Variants in GLRX3 observed in about 807,000 individuals in gnomAD.
The protein encoded by GLRX3 is glutaredoxin 3, also known as glutaredoxin-3.
GLRX3 carries 22 observed loss-of-function variants against 49.5 expected under a neutral mutation model. The observed-to-expected ratio is 0.44, with a 90% CI of 0.32 to 0.63. GLRX3 has a LOEUF of 0.63. Ranked by LOEUF, GLRX3 falls within the 30% of genes least tolerant of loss-of-function variation. The probability of loss-of-function intolerance (pLI) is 0.05; values close to 1 mark genes in which losing one functional copy is unlikely to be tolerated. For missense variants in GLRX3, 385 were observed against 396.3 expected (o/e 0.97, Z 0.24); for synonymous variants, 133 against 140.0 (o/e 0.95, Z 0.35).
Position 130,136,785 on chromosome 10 carries a change from C to T in GLRX3, c.92+273C>T, listed in dbSNP as rs559625980. ...CCTGGCTCCGACCCCGACGGCTGTC[C>T]AAGCCCGGGGGACGCGACCTTCCCG... On this transcript the variant is annotated intron_variant, in intron 1 of 10. Transcript: ENST00000331244. 5.2e-3 allele frequency among the ~76,000 whole-genome samples: 793 copies of T among 152,230 alleles called. 3 individuals carry two copies. Among genetic ancestry groups the T allele is most frequent in the African/African-American group, 0.016 (661 of 41,570 alleles).
intron 3 of GLRX3, 24 bp downstream of exon 3, chr10:130,160,093 G>T (rs1008994251): frequency 1.4e-6 from 2 of 1,439,650 alleles, no homozygotes; most frequent in Non-Finnish European, 2.0e-6. Context: ...TGGTACAAGA[G>T]ATTATCCATT....
rs1862543494 is a variant in GLRX3, at chr10:130,160,027, A to C, written c.234A>C (p.Glu78Asp). ...LEAEGVPEVS[E>D]KYEISSVPTF... ...CTGAAGGTGTTCCTGAAGTATCTGA[A>C]AAATATGAAATTAGCTCTGTTCCCA... Residue 78 changes from glutamate (E) to aspartate (D), a missense_variant, in exon 3 of 11, where the codon GAA (glutamate) becomes GAC (aspartate). Glu to Asp is a conservative substitution (Grantham distance 45). Around this residue, in one of 2 missense-constraint regions of GLRX3, gnomAD observed 374 missense variants for 358.6 expected, o/e 1.04. Transcript: ENST00000331244. 1 of 1,601,844 alleles carries C rather than the reference A, an allele frequency of 6.2e-7. No homozygotes were observed. Among genetic ancestry groups the C allele is most frequent in the Non-Finnish European group, 8.6e-7 (1 of 1,168,840 alleles).
chr10:130,176,763 TCCCTCC>T (rs1255710332), intron 10 of GLRX3, among the ~76,000 whole-genome samples: 7 of 48,594 alleles, frequency 1.4e-4, no homozygotes, highest in African/African-American at 5.8e-4. Context: ...CCTCCCTCCC[TCCCTCC>T]CTCTTTCTCT....
At chr10:130,158,293 A>G (rs1028435320) in intron 2 of GLRX3, among the ~76,000 whole-genome samples, 2 of 151,834 alleles carry the variant, frequency 1.3e-5, no homozygotes, top group African/African-American at 4.8e-5. Context: ...GCTCACTGCA[A>G]CCTCTGCCTC....
chr10:130,168,799 T>C (rs1434863227), intron 6 of GLRX3, among the ~76,000 whole-genome samples: 1 of 152,224 alleles, frequency 6.6e-6, no homozygotes, highest in Non-Finnish European at 1.5e-5. Context: ...CGTGACCCCA[T>C]GGGGCTTAGG....
Position 130,174,964 on chromosome 10 carries a change from A to G in GLRX3, c.865-33A>G, listed in dbSNP as rs770318143. 3.2e-6 allele frequency: 5 copies of G among 1,570,998 alleles called. 1 individual carries two copies. The South Asian group carries it at 5.5e-5, about 17-fold the overall frequency. ...TTAGCTTTAATCTTAAGGGCCTGAT[A>G]GGATGGTTTCAGGATTCCTGTTGTT... is the stretch of plus-strand genomic sequence containing the variant. On this transcript the variant is annotated intron_variant, in intron 9 of 10. Coordinates refer to ENST00000331244, the MANE Select transcript of GLRX3 (RefSeq NM_006541.5).
At chr10:130,137,283 CTGGGTGGACT>C (rs1340958794) in intron 1 of GLRX3, among the ~76,000 whole-genome samples, 2 of 152,182 alleles carry the variant, frequency 1.3e-5, no homozygotes, top group Non-Finnish European at 2.9e-5. Context: ...AAAGCGTTTT[CTGGGTGGACT>C]AGAAGCTCTG....
intron 10 of GLRX3, among the ~76,000 whole-genome samples, chr10:130,178,242 G>C (rs959655345): frequency 2.0e-5 from 3 of 152,074 alleles, no homozygotes; most frequent in African/African-American, 7.2e-5. Flanking sequence ...ACGTCACACT[G>C]CTTTTTTTTT....
chr10:130,151,127 C>T (rs1590061488), intron 2 of GLRX3, among the ~76,000 whole-genome samples: 1 of 151,918 alleles, frequency 6.6e-6, no homozygotes, highest in Non-Finnish European at 1.5e-5. Context: ...GGGGTTTCAC[C>T]GTGTTGGCCA....
At chr10:130,167,896 T>G (rs1766198510) in intron 6 of GLRX3, among the ~76,000 whole-genome samples, 1 of 152,188 alleles carries the variant, frequency 6.6e-6, no homozygotes, top group South Asian at 2.1e-4. Flanking sequence ...TCCTCATCCC[T>G]TTTTTGACTC....
chr10:130,153,821 C>T lies in GLRX3; in HGVS notation c.202-6174C>T, dbSNP rs117216648. On this transcript the variant is annotated intron_variant, in intron 2 of 10. Transcript: ENST00000331244. ...TTGAATGCCATGCTGGGAGAACCAC[C>T]TGCTCTCTTCAGAGCTGTCAGGCAG... Among the ~76,000 whole-genome samples the T allele has an allele frequency of 2.7e-3, 417 of 152,298 alleles. 4 individuals carry two copies. Among genetic ancestry groups the T allele is most frequent in the South Asian group, 0.019 (93 of 4,820 alleles).
At chr10:130,148,467 G>A (rs1391193015) in intron 2 of GLRX3, among the ~76,000 whole-genome samples, 1 of 100,322 alleles carries the variant, frequency 1.0e-5, no homozygotes, top group Non-Finnish European at 1.9e-5. Flanking sequence ...TTTTAATGAT[G>A]AAATGGTTTG....
chr10:130,176,448 G>A (rs1252717371), intron 10 of GLRX3, among the ~76,000 whole-genome samples: 1 of 152,156 alleles, frequency 6.6e-6, no homozygotes, highest in East Asian at 1.9e-4. Flanking sequence ...ACGTGCTTTT[G>A]TAAAGTGAAG....
At chr10:130,160,681 G>A in intron 3 of GLRX3, 115 bp from the exon 4 acceptor site, 1 of 657,266 alleles carries the variant, frequency 1.5e-6, no homozygotes, top group Non-Finnish European at 2.7e-6. Flanking sequence ...AATTGGCAAT[G>A]AGGGTTTCTT....
intron 8 of GLRX3, among the ~76,000 whole-genome samples, chr10:130,172,777 A>G (rs1862836975): frequency 6.6e-6 from 1 of 152,166 alleles, no homozygotes; most frequent in Admixed American, 6.5e-5. Flanking sequence ...CCCCGCCTCT[A>G]CTAAAAATAC....
intron 1 of GLRX3, among the ~76,000 whole-genome samples, chr10:130,143,416 G>T (rs1366544713): frequency 6.6e-6 from 1 of 152,020 alleles, no homozygotes; most frequent in Non-Finnish European, 1.5e-5. Flanking sequence ...TAAAACTGAA[G>T]GATTTTTTAG....
rs17297984 is a variant in GLRX3, at chr10:130,169,429, T to G, written c.714-4T>G. The G allele has an allele frequency of 1.9e-6, 3 of 1,601,912 alleles. No homozygotes were observed. The East Asian group carries it at 6.7e-5, about 36-fold the overall frequency. On this transcript the variant is annotated splice_polypyrimidine_tract_variant and splice_region_variant and intron_variant, in intron 6 of 10. Transcript: ENST00000331244. ...GCCGTTTTATATCAATTTTCTCTCTTTAGGCTCAAAGTGCTGACAAATAAA... is the reference window on the plus strand; with the variant it reads ...GCCGTTTTATATCAATTTTCTCTCTGTAGGCTCAAAGTGCTGACAAATAAA...
intron 1 of GLRX3, among the ~76,000 whole-genome samples, chr10:130,144,037 A>G (rs1349646932): frequency 6.6e-6 from 1 of 152,164 alleles, no homozygotes; most frequent in Non-Finnish European, 1.5e-5. Context: ...AAAAGTATAA[A>G]AAAAAGTCTT....
At chr10:130,141,882 A>C (rs915134320) in intron 1 of GLRX3, among the ~76,000 whole-genome samples, 1 of 152,106 alleles carries the variant, frequency 6.6e-6, no homozygotes, top group African/African-American at 2.4e-5. Flanking sequence ...GAGGCTCCTG[A>C]GGGAGGGTTT....
Sources: gnomAD v4.1 joint callset for allele counts (sites outside exome capture counted in the v4.1 genomes callset) on GRCh38, gnomAD v4.1.1 for gene constraint, gnomAD v4.1.1 regional missense constraint, MANE v1.5 for transcripts, NCBI Gene and HGNC (gene_info 2026-07-23, HGNC 2026-07-21) for gene names.